The following COG6 variants were observed in gnomAD, a reference collection of about 807,000 sequenced individuals.
The protein encoded by COG6 is component of oligomeric golgi complex 6.
COG6 carries 74 observed loss-of-function variants against 88.8 expected under a neutral mutation model. That is an observed-to-expected ratio of 0.83 (90% CI 0.69 to 1.01). The LOEUF is 1.01. Ranked by LOEUF, COG6 falls within the 50% of genes least tolerant of loss-of-function variation. The pLI, the probability that COG6 is intolerant of heterozygous loss-of-function variation, is 0.00. For missense variants in COG6, 800 were observed against 797.9 expected, an observed-to-expected ratio of 1.00 and a Z score of -0.03; for synonymous variants, 286 against 278.7, an observed-to-expected ratio of 1.03 and a Z score of -0.26.
chr13:39,747,249 G>A (rs956588421), intron 18 of COG6, among the ~76,000 whole-genome samples: 2 of 152,178 alleles, frequency 1.3e-5, no homozygotes, highest in African/African-American at 2.4e-5. Flanking sequence ...TGCTTTGGTA[G>A]TGATAAATGA....
At chr13:39,658,765 G>T (rs1874694324) in intron 1 of COG6, among the ~76,000 whole-genome samples, 1 of 152,156 alleles carries the variant, frequency 6.6e-6, no homozygotes, top group South Asian at 2.1e-4. Flanking sequence ...TGAGGCCTCA[G>T]TTCAAAGTCA....
At chr13:39,711,813 A>T (rs1231667464) in intron 13 of COG6, among the ~76,000 whole-genome samples, 1 of 152,192 alleles carries the variant, frequency 6.6e-6, no homozygotes, top group Admixed American at 6.5e-5. Context: ...AGTCTTTTAA[A>T]AATATGAGTG....
At position 39,677,611 on chromosome 13, in the gene COG6, G is replaced by A. The variant is rs373769540; in HGVS notation, c.540+32G>A. ...TGGCTTTCTGTTATAATCATTTAAA[G>A]TTTAGTAGTTACAGATATTAGAGAG... On this transcript the variant is annotated intron_variant, in intron 5 of 18. Transcript: ENST00000455146. 184 of 1,298,748 alleles carry A rather than the reference G, an allele frequency of 1.4e-4. 2 individuals are homozygous for A. The South Asian group carries it at 2.2e-3, about 16-fold the overall frequency. The allele number at this position is 1,298,748 out of a possible 1,614,324, so 80.5% of individuals were successfully genotyped here. A position where few individuals can be genotyped will look rare whatever the true frequency, so the allele number is the denominator to read the frequency against.
At chr13:39,662,800 C>G (rs1874990944) in intron 3 of COG6, among the ~76,000 whole-genome samples, 1 of 151,938 alleles carries the variant, frequency 6.6e-6, no homozygotes, top group Non-Finnish European at 1.5e-5. Flanking sequence ...TTGCTTAAAG[C>G]TAATTTATTT....
chr13:39,771,916 C>T (rs1881327668), intron 18 of COG6, among the ~76,000 whole-genome samples: 1 of 152,160 alleles, frequency 6.6e-6, no homozygotes, highest in Non-Finnish European at 1.5e-5. Context: ...ACATACCTTC[C>T]AAGGGTGCAA....
chr13:39,660,595 A>G (rs1419890845), intron 2 of COG6, among the ~76,000 whole-genome samples: 1 of 152,220 alleles, frequency 6.6e-6, no homozygotes, highest in African/African-American at 2.4e-5. Context: ...TCCTGCGGTC[A>G]TATTCTCTAA....
At chr13:39,678,881 T>A (rs999067302) in intron 5 of COG6, among the ~76,000 whole-genome samples, 1 of 151,934 alleles carries the variant, frequency 6.6e-6, no homozygotes, top group Non-Finnish European at 1.5e-5. Flanking sequence ...ATTTGACATA[T>A]CATTTTTTCT....
Position 39,677,554 on chromosome 13 carries a change from G to A in COG6, c.515G>A (p.Gly172Asp), listed in dbSNP as rs144788574. 55 of 1,609,456 alleles carry A rather than the reference G, an allele frequency of 3.4e-5. No individual in the cohort carries two copies. Among genetic ancestry groups the A allele is most frequent in the Non-Finnish European group, 4.3e-5 (51 of 1,176,206 alleles). The change falls in exon 5 of 19, where the codon GGT (glycine) becomes GAT (aspartate). Residue 172 changes from glycine (G) to aspartate (D), a missense_variant. Transcript: ENST00000455146. ...TCTGATGAAATGAGTCTTCTCCGAG[G>A]TACAAGAGAAGGACCCATTACTGAG... ...LTSDEMSLLR[G>D]TREGPITEDF...
chr13:39,657,003 T>C (rs1237586508), intron 1 of COG6: 1 of 405,028 alleles, frequency 2.5e-6, no homozygotes, highest in Non-Finnish European at 4.9e-6. Flanking sequence ...TTATATCATT[T>C]AAGACTGCTA....
intron 13 of COG6, among the ~76,000 whole-genome samples, chr13:39,711,203 A>T (rs1434543596): frequency 6.6e-6 from 1 of 152,166 alleles, no homozygotes; most frequent in Non-Finnish European, 1.5e-5. Context: ...GTAGCAAAAC[A>T]TTTAGGAAGA....
At position 39,750,930 on chromosome 13, in the gene COG6, GT is replaced by G; in HGVS notation, c.1827-13del. ...TTTTCAAATGATGTGTTTACATTTTGTTTGCTTATCAATAGAGAGCAGATCG... is the reference window on the plus strand; with the variant it reads ...TTTTCAAATGATGTGTTTACATTTTGTTGCTTATCAATAGAGAGCAGATCG... On this transcript the variant is annotated splice_polypyrimidine_tract_variant and intron_variant, in intron 18 of 18. Transcript: ENST00000455146. 1 of 1,608,000 alleles carries G rather than the reference GT, an allele frequency of 6.2e-7. No individual in the cohort carries two copies.
At chr13:39,736,500 C>T (rs1879750370) in intron 18 of COG6, among the ~76,000 whole-genome samples, 1 of 152,096 alleles carries the variant, frequency 6.6e-6, no homozygotes, top group African/African-American at 2.4e-5. Flanking sequence ...CAAGACCAGC[C>T]TAACCAACAT....
At position 39,679,615 on chromosome 13, in the gene COG6, G is replaced by A. The variant is rs147738794; in HGVS notation, c.618G>A (p.Thr206=). Residue 206 remains threonine (T), a synonymous_variant, in exon 6 of 19, where the codon ACG becomes ACA. Coordinates refer to ENST00000455146, the MANE Select transcript of COG6 (RefSeq NM_020751.3). ...TTCTCTTGCGTACAAATCAACAAAC[G>A]GCAGGGTGAGTAACTGCTCACTGAA... ...VKVLLRTNQQ[T]AGLEIMEQMA... The A allele has an allele frequency of 8.2e-6, 13 of 1,588,952 alleles. No individual in the cohort carries two copies. The African/African-American group carries it at 1.2e-4, about 15-fold the overall frequency.
At chr13:39,672,638 G>A (rs1875720384) in intron 4 of COG6, among the ~76,000 whole-genome samples, 4 of 151,994 alleles carry the variant, frequency 2.6e-5, no homozygotes, top group East Asian at 1.9e-4. Flanking sequence ...TTGTTCACCC[G>A]CTCACTAGTT....
chr13:39,779,422 G>A (rs1881562561), intron 18 of COG6, among the ~76,000 whole-genome samples: 1 of 152,190 alleles, frequency 6.6e-6, no homozygotes, highest in Non-Finnish European at 1.5e-5. Context: ...GGGCTTTGCA[G>A]AACCTGGATA....
At position 39,752,444 on chromosome 13, in the gene COG6, C is replaced by G. The variant is rs1421766026; in HGVS notation, c.*1351C>G. On this transcript the variant is annotated 3_prime_UTR_variant, in exon 19 of 19. Transcript: ENST00000455146. Reference sequence around the variant, plus strand: ...TAAATCTGTATTTTTAGTTTTTTCCCTTTGATTAGTATGTGTTACATATAA... The same window carrying G: ...TAAATCTGTATTTTTAGTTTTTTCCGTTTGATTAGTATGTGTTACATATAA... The G allele has an allele frequency of 9.4e-7, 1 of 1,063,676 alleles. No homozygotes were observed. The highest frequency in any genetic ancestry group is 1.7e-5 in the African/African-American group (1 of 59,744). 65.9% of individuals were successfully genotyped at this position (1,063,676 alleles called of 1,614,324 possible).
chr13:39,662,647 A>G (rs1279537842), intron 3 of COG6, among the ~76,000 whole-genome samples: 10 of 152,220 alleles, frequency 6.6e-5, no homozygotes, highest in African/African-American at 2.4e-4. Context: ...TTTATCACAT[A>G]TAAAAGATTG....
chr13:39,709,459 C>G (rs186049597), intron 13 of COG6, among the ~76,000 whole-genome samples: 1 of 149,540 alleles, frequency 6.7e-6, no homozygotes, highest in African/African-American at 2.5e-5. Flanking sequence ...CCCTCCCAAC[C>G]TGTCTGAGTC....
intron 18 of COG6, among the ~76,000 whole-genome samples, chr13:39,739,439 G>A (rs759397235): frequency 6.6e-6 from 1 of 151,982 alleles, no homozygotes; most frequent in Non-Finnish European, 1.5e-5. Context: ...TTGAATTCAG[G>A]GTGTAAGTCA....
Sources: gnomAD v4.1 joint callset for allele counts (sites outside exome capture counted in the v4.1 genomes callset) on GRCh38, gnomAD v4.1.1 for gene constraint, MANE v1.5 for transcripts, NCBI Gene and HGNC (gene_info 2026-07-23, HGNC 2026-07-21) for gene names.